CLSTN2: variants seen among roughly 807,000 people sequenced by gnomAD.
CLSTN2 encodes calsyntenin-2.
In CLSTN2, 48 loss-of-function variants were observed where a neutral mutation model predicts 101.2. The observed-to-expected ratio is 0.47, with a 90% CI of 0.38 to 0.60. CLSTN2 has a LOEUF of 0.60. CLSTN2 is among the 20% of genes least tolerant of loss of function. The pLI is 0.00. For missense variants in CLSTN2, 1,160 were observed against 1,238.2 expected (o/e 0.94, Z 0.95); for synonymous variants, 481 against 463.6 (o/e 1.04, Z -0.48).
intron 2 of CLSTN2, among the ~76,000 whole-genome samples, chr3:140,326,444 C>A (rs1411990218): frequency 6.6e-6 from 1 of 152,212 alleles, no homozygotes; most frequent in Admixed American, 6.5e-5. Flanking sequence ...TGAAGTTGTA[C>A]ACTACCTACG....
chr3:140,309,539 T>C (rs1478809305), intron 2 of CLSTN2, among the ~76,000 whole-genome samples: 1 of 151,938 alleles, frequency 6.6e-6, no homozygotes, highest in African/African-American at 2.4e-5. Context: ...GCAAGTGTTA[T>C]CACAAGCAGG....
chr3:140,455,389 A>G (rs183816907), intron 6 of CLSTN2, among the ~76,000 whole-genome samples: 242 of 152,354 alleles, frequency 1.6e-3, no homozygotes, highest in Non-Finnish European at 2.5e-3. Context: ...AAATTCATCA[A>G]TTAAGAAGTT....
intron 9 of CLSTN2, among the ~76,000 whole-genome samples, chr3:140,541,824 C>T (rs1046533727): frequency 6.6e-6 from 1 of 152,060 alleles, no homozygotes; most frequent in African/African-American, 2.4e-5. Flanking sequence ...TTCTGTTTTT[C>T]CCCCAAAGGC....
intron 2 of CLSTN2, among the ~76,000 whole-genome samples, chr3:140,243,955 C>T (rs1458797447): frequency 1.3e-5 from 2 of 152,210 alleles, no homozygotes; most frequent in South Asian, 2.1e-4. Context: ...TAACTGCCCC[C>T]TCTTTGTGCA....
chr3:140,378,470 G>T (rs1215761638), intron 2 of CLSTN2, among the ~76,000 whole-genome samples: 1 of 152,232 alleles, frequency 6.6e-6, no homozygotes, highest in African/African-American at 2.4e-5. Flanking sequence ...TTTTCCATAG[G>T]TGAAGAGTGT....
chr3:140,326,428 G>A (rs900572179), intron 2 of CLSTN2, among the ~76,000 whole-genome samples: 1 of 152,214 alleles, frequency 6.6e-6, no homozygotes, highest in Admixed American at 6.5e-5. Flanking sequence ...AGTTGTTGCA[G>A]TCATCTGAAG....
intron 7 of CLSTN2, among the ~76,000 whole-genome samples, chr3:140,465,687 A>G (rs1346318152): frequency 6.6e-6 from 1 of 152,236 alleles, no homozygotes; most frequent in African/African-American, 2.4e-5. Context: ...ATGATAATCC[A>G]GCTTCAATGT....
chr3:140,018,728 A>T (rs1161982945), intron 1 of CLSTN2, among the ~76,000 whole-genome samples: 1 of 152,048 alleles, frequency 6.6e-6, no homozygotes, highest in Non-Finnish European at 1.5e-5. Flanking sequence ...TTGTGTGTAA[A>T]CAGCTGCATT....
intron 1 of CLSTN2, among the ~76,000 whole-genome samples, chr3:140,081,649 C>A (rs953230718): frequency 6.8e-6 from 1 of 146,850 alleles, no homozygotes; most frequent in Non-Finnish European, 1.5e-5. Context: ...CTGCTCAATT[C>A]TCTCCTTCCC....
intron 2 of CLSTN2, among the ~76,000 whole-genome samples, chr3:140,400,351 G>T (rs556998132): frequency 1.3e-5 from 2 of 152,246 alleles, no homozygotes; most frequent in Admixed American, 6.5e-5. Flanking sequence ...CTCATAACAT[G>T]CTCCATTGTC....
intron 1 of CLSTN2, among the ~76,000 whole-genome samples, chr3:140,121,427 A>G (rs2009339184): frequency 6.6e-6 from 1 of 152,180 alleles, no homozygotes; most frequent in South Asian, 2.1e-4. Context: ...CCAGGCCCAG[A>G]GTGGTGGAGC....
chr3:140,558,962 C>A, intron 12 of CLSTN2, 105 bp downstream of exon 12: 1 of 833,506 alleles, frequency 1.2e-6, no homozygotes, highest in Non-Finnish European at 1.9e-6. Context: ...GTATACATGG[C>A]TTAAATGTAT....
intron 2 of CLSTN2, among the ~76,000 whole-genome samples, chr3:140,286,547 G>A (rs559858483): frequency 2.0e-4 from 30 of 152,084 alleles, no homozygotes; most frequent in Admixed American, 3.3e-4. Flanking sequence ...TTCTTTTGCC[G>A]CCCTCTATTC....
rs76766536 is a variant in CLSTN2 at position 140,084,089 on chromosome 3, T to C, written c.110-91862T>C. ...TGGAAATGTAGACTTTTCATGATGCTGCATATAACCCTAGAGGAGTGGGAG... is the reference window on the plus strand; with the variant it reads ...TGGAAATGTAGACTTTTCATGATGCCGCATATAACCCTAGAGGAGTGGGAG... On this transcript the variant is annotated intron_variant, in intron 1 of 16. Coordinates refer to ENST00000458420, the MANE Select transcript of CLSTN2 (RefSeq NM_022131.3). Among the ~76,000 whole-genome samples, 63 of 152,312 alleles carry C rather than the reference T, an allele frequency of 4.1e-4. 1 individual carries two copies. In the East Asian group the frequency reaches 0.01, roughly 25 times the overall value.
intron 2 of CLSTN2, among the ~76,000 whole-genome samples, chr3:140,296,278 C>T (rs1249401940): frequency 1.3e-5 from 2 of 152,172 alleles, no homozygotes; most frequent in African/African-American, 4.8e-5. Flanking sequence ...GAAAACCAAC[C>T]CGTTGGAAAG....
intron 1 of CLSTN2, among the ~76,000 whole-genome samples, chr3:140,073,235 T>C (rs7612465): frequency 0.024 from 3,712 of 152,132 alleles, 136 homozygotes; most frequent in African/African-American, 0.083. Context: ...TGTGGTGAAA[T>C]TGTAAAGGTA....
In CLSTN2 at chr3:140,039,080, C is replaced by T. The variant is rs180700861; in HGVS notation, c.109+103597C>T. 3.9e-5 allele frequency among the ~76,000 whole-genome samples: 6 copies of T among 152,240 alleles called. No homozygotes were observed. In the East Asian group the frequency reaches 9.6e-4, roughly 24 times the overall value. ...TAAGGGATGTCTTGGTTTGGAACCTCGTTCATTCATCCAGTGGTTGCATAA... is the reference window on the plus strand; with the variant it reads ...TAAGGGATGTCTTGGTTTGGAACCTTGTTCATTCATCCAGTGGTTGCATAA... On this transcript the variant is annotated intron_variant, in intron 1 of 16. Transcript: ENST00000458420.
At chr3:140,433,290 C>G (rs756670070) in intron 5 of CLSTN2, among the ~76,000 whole-genome samples, 1 of 152,228 alleles carries the variant, frequency 6.6e-6, no homozygotes, top group Non-Finnish European at 1.5e-5. Flanking sequence ...TGGGACCTGT[C>G]TTCATTCAGG....
intron 2 of CLSTN2, among the ~76,000 whole-genome samples, chr3:140,249,660 G>C (rs529280674): frequency 8.7e-4 from 133 of 152,274 alleles, no homozygotes; most frequent in African/African-American, 3.1e-3. Flanking sequence ...TTGGGGGACT[G>C]ATAGGGAAAG....
Sources: gnomAD v4.1 joint callset for allele counts (sites outside exome capture counted in the v4.1 genomes callset) on GRCh38, gnomAD v4.1.1 for gene constraint, MANE v1.5 for transcripts, NCBI Gene and HGNC (gene_info 2026-07-23, HGNC 2026-07-21) for gene names.